Variants in RBFOX1 observed in about 807,000 individuals in gnomAD.
RBFOX1 encodes RNA binding fox-1 homolog 1.
A neutral mutation model predicts 57.7 loss-of-function variants in RBFOX1; 8 were observed. That is an observed-to-expected ratio of 0.14 (90% confidence interval 0.08 to 0.25). The LOEUF is 0.25. Ranked by LOEUF, RBFOX1 falls within the 10% of genes least tolerant of loss-of-function variation. The probability of loss-of-function intolerance (pLI) is 1.00; values close to 1 mark genes in which losing one functional copy is unlikely to be tolerated. For synonymous variants in RBFOX1, 326 were observed against 222.4 expected (o/e 1.47, Z -4.15); for missense variants, 611 against 548.5 (o/e 1.11, Z -1.14).
intron 4 of RBFOX1, among the ~76,000 whole-genome samples, chr16:7,413,283 A>G (rs1466553235): frequency 2.6e-5 from 4 of 151,636 alleles, no homozygotes; most frequent in Non-Finnish European, 4.4e-5. Context: ...CCTGTAAACC[A>G]TTCCTCTCCC....
chr16:7,001,127 A>T (rs1532223), intron 3 of RBFOX1, among the ~76,000 whole-genome samples: 2,665 of 152,106 alleles, frequency 0.018, 89 homozygotes, highest in African/African-American at 0.06. Flanking sequence ...ATCTTCCTTC[A>T]TTTTTTTCCA....
At chr16:6,901,409 G>T (rs1210504304) in intron 3 of RBFOX1, among the ~76,000 whole-genome samples, 4 of 152,100 alleles carry the variant, frequency 2.6e-5, no homozygotes, top group Non-Finnish European at 4.4e-5. Context: ...TACTACCTTT[G>T]GGGAAGACAA....
intron 4 of RBFOX1, among the ~76,000 whole-genome samples, chr16:7,383,098 C>G (rs561843586): frequency 6.6e-6 from 1 of 151,988 alleles, no homozygotes; most frequent in Non-Finnish European, 1.5e-5. Context: ...ATCTTAGATT[C>G]TGATTCTAGC....
intron 2 of RBFOX1, among the ~76,000 whole-genome samples, chr16:6,449,304 C>A (rs141841077): frequency 2.0e-5 from 3 of 152,118 alleles, no homozygotes; most frequent in Non-Finnish European, 4.4e-5. Flanking sequence ...TCATGTCTAC[C>A]CTTACTGCCT....
rs530323789 is a variant in RBFOX1 at position 7,342,121 on chromosome 16, A to T, written c.28-176026A>T. Among the ~76,000 whole-genome samples the T allele has an allele frequency of 7.2e-5, 11 of 152,224 alleles. No individual in the cohort carries two copies. The East Asian group carries it at 1.9e-3, about 27-fold the overall frequency. ...CACAGTTAAATTTGAAAAGAACAGG[A>T]TTTACAACAAGGAAACCTGAGTCTG... On this transcript the variant is annotated intron_variant, in intron 4 of 15. Transcript: ENST00000550418.
At chr16:7,580,696 C>G (rs996843103) in intron 6 of RBFOX1, among the ~76,000 whole-genome samples, 3 of 152,088 alleles carry the variant, frequency 2.0e-5, no homozygotes, top group Non-Finnish European at 4.4e-5. Context: ...TCGAAGATAT[C>G]TTCACTATCC....
intron 1 of RBFOX1, among the ~76,000 whole-genome samples, chr16:6,254,567 G>A (rs2097648654): frequency 6.6e-6 from 1 of 151,998 alleles, no homozygotes. Context: ...TCTTAAACTT[G>A]GTTTATTTTC....
chr16:7,043,531 A>G (rs2046879865), intron 3 of RBFOX1, among the ~76,000 whole-genome samples: 1 of 152,200 alleles, frequency 6.6e-6, no homozygotes, highest in African/African-American at 2.4e-5. Flanking sequence ...TTGTTTCAGA[A>G]GAGTTTATAA....
At chr16:7,614,547 T>A (rs1172317182) in intron 10 of RBFOX1, 5 of 152,222 alleles carry the variant, frequency 3.3e-5, no homozygotes, top group Non-Finnish European at 5.9e-5. Flanking sequence ...TTGGTTCTTT[T>A]TCTTGTGTGT....
intron 2 of RBFOX1, among the ~76,000 whole-genome samples, chr16:6,550,320 G>C (rs965842071): frequency 5.9e-5 from 9 of 152,104 alleles, no homozygotes; most frequent in African/African-American, 1.9e-4. Flanking sequence ...GGGTCTACAG[G>C]TGTGTGCCAC....
intron 3 of RBFOX1, among the ~76,000 whole-genome samples, chr16:6,841,033 G>A (rs1220358079): frequency 6.6e-6 from 1 of 152,078 alleles, no homozygotes; most frequent in Non-Finnish European, 1.5e-5. Context: ...TCCAGAATTG[G>A]GAGAAATAAA....
At chr16:6,114,758 G>A (rs1025760927) in intron 1 of RBFOX1, among the ~76,000 whole-genome samples, 1 of 152,142 alleles carries the variant, frequency 6.6e-6, no homozygotes, top group Admixed American at 6.5e-5. Context: ...TCCAAAAGTT[G>A]GGGCTTAGCC....
intron 3 of RBFOX1, among the ~76,000 whole-genome samples, chr16:6,692,284 G>C (rs1409637816): frequency 1.4e-5 from 2 of 147,926 alleles, no homozygotes; most frequent in African/African-American, 4.9e-5. Context: ...GCTGTGGTTT[G>C]GATTCATACC....
chr16:7,574,274 A>G (rs931772916), intron 5 of RBFOX1, among the ~76,000 whole-genome samples: 3 of 152,144 alleles, frequency 2.0e-5, no homozygotes, highest in Admixed American at 2.0e-4. Flanking sequence ...TTCTCTTTGG[A>G]GAGTCTCATT....
intron 4 of RBFOX1, among the ~76,000 whole-genome samples, chr16:7,430,080 G>A (rs985580358): frequency 6.6e-6 from 1 of 152,128 alleles, no homozygotes; most frequent in Non-Finnish European, 1.5e-5. Flanking sequence ...CAAATTGGCG[G>A]AATGAATTGA....
At chr16:5,629,036 C>A (rs1255831467) in intron 3 of RBFOX1, among the ~76,000 whole-genome samples, 3 of 152,088 alleles carry the variant, frequency 2.0e-5, no homozygotes, top group African/African-American at 7.2e-5. Context: ...CCCAAGCACC[C>A]ATCGTAGGGC....
chr16:7,322,275 C>A (rs901385310), intron 4 of RBFOX1, among the ~76,000 whole-genome samples: 1 of 152,200 alleles, frequency 6.6e-6, no homozygotes, highest in Non-Finnish European at 1.5e-5. Flanking sequence ...ATATGGGGTG[C>A]CTTAGCACCT....
At chr16:6,000,265 C>T (rs901801574) in intron 4 of RBFOX1, among the ~76,000 whole-genome samples, 5 of 152,170 alleles carry the variant, frequency 3.3e-5, no homozygotes, top group East Asian at 1.9e-4. Flanking sequence ...TGGGACAAAC[C>T]GTAGACTTCC....
At chr16:7,000,762 G>A (rs75866456) in intron 3 of RBFOX1, among the ~76,000 whole-genome samples, 6,461 of 151,702 alleles carry the variant, frequency 0.043, 160 homozygotes, top group African/African-American at 0.06. Context: ...CCGCCATCAT[G>A]CCTGGCTAAC....
Sources: allele counts gnomAD v4.1 joint callset (sites outside exome capture counted in the v4.1 genomes callset), GRCh38; gene constraint gnomAD v4.1.1; transcripts MANE v1.5; gene names NCBI Gene and HGNC (gene_info 2026-07-23, HGNC 2026-07-21).